SRGAP3: variants seen among roughly 807,000 people sequenced by gnomAD.
The protein encoded by SRGAP3 is SLIT-ROBO Rho GTPase-activating protein 3.
Under a neutral mutation model 121.1 loss-of-function variants are expected in SRGAP3, and 39 were observed. The observed-to-expected ratio is 0.32, with a 90% CI of 0.25 to 0.42. The LOEUF is 0.42. SRGAP3 is among the 10% of genes least tolerant of loss of function. SRGAP3 has a pLI of 1.00. For synonymous variants in SRGAP3, 601 were observed against 570.0 expected, an observed-to-expected ratio of 1.05 and a Z score of -0.77; for missense variants, 1,213 against 1,470.6, an observed-to-expected ratio of 0.82 and a Z score of 2.86.
At chr3:8,992,781 T>G in intron 20 of SRGAP3, 125 bp downstream of exon 20, 1 of 1,571,838 alleles carries the variant, frequency 6.4e-7, no homozygotes, top group South Asian at 1.1e-5. Context: ...GTGTGCCCAT[T>G]TCATTTTGTG....
chr3:8,993,143 G>C, intron 19 of SRGAP3, 88 bp from the exon 20 acceptor site: 2 of 1,588,526 alleles, frequency 1.3e-6, no homozygotes, highest in Middle Eastern at 1.8e-4. Context: ...CTGAGGGGCT[G>C]AATTAACACA....
At chr3:9,057,969 T>G (rs2664095) in intron 7 of SRGAP3, among the ~76,000 whole-genome samples, 2 of 151,966 alleles carry the variant, frequency 1.3e-5, no homozygotes, top group East Asian at 1.9e-4. Flanking sequence ...GGTTAGAACA[T>G]GAGCCTGTGT....
intron 1 of SRGAP3, among the ~76,000 whole-genome samples, chr3:9,189,819 C>T (rs1007529962): frequency 1.3e-5 from 2 of 152,220 alleles, no homozygotes; most frequent in Non-Finnish European, 2.9e-5. Flanking sequence ...TGACACCCAG[C>T]ATCACAGAGT....
intron 1 of SRGAP3, among the ~76,000 whole-genome samples, chr3:9,331,618 T>C (rs1188123927): frequency 6.6e-6 from 1 of 152,158 alleles, no homozygotes; most frequent in Non-Finnish European, 1.5e-5. Flanking sequence ...TTTCAAGAGG[T>C]ATATTCCCCA....
chr3:8,995,251 C>T (rs922619730), intron 18 of SRGAP3, among the ~76,000 whole-genome samples: 1 of 152,014 alleles, frequency 6.6e-6, no homozygotes, highest in East Asian at 1.9e-4. Context: ...GCAGGAGGAT[C>T]GCTTGAGTCC....
chr3:9,237,460 A>C (rs1953455574), intron 1 of SRGAP3, among the ~76,000 whole-genome samples: 1 of 152,222 alleles, frequency 6.6e-6, no homozygotes, highest in Non-Finnish European at 1.5e-5. Context: ...AGAAAGCGTG[A>C]AAAATATCAT....
intron 3 of SRGAP3, among the ~76,000 whole-genome samples, chr3:9,257,171 A>G (rs1040738250): frequency 6.6e-6 from 1 of 152,210 alleles, no homozygotes; most frequent in Admixed American, 6.5e-5. Flanking sequence ...AGCATGGGGT[A>G]TGCAATGGAT....
intron 1 of SRGAP3, among the ~76,000 whole-genome samples, chr3:9,335,019 TG>T (rs1277660129): frequency 6.6e-6 from 1 of 152,232 alleles, no homozygotes; most frequent in Non-Finnish European, 1.5e-5. Flanking sequence ...AGCAGGCCTA[TG>T]GGAACTCTGC....
intron 3 of SRGAP3, among the ~76,000 whole-genome samples, chr3:9,270,670 A>G (rs1454770457): frequency 1.3e-5 from 2 of 152,250 alleles, no homozygotes; most frequent in Non-Finnish European, 2.9e-5. Flanking sequence ...ACCTATAATC[A>G]TAAGTGTGTA....
intron 10 of SRGAP3, among the ~76,000 whole-genome samples, chr3:9,038,311 C>T (rs1371360237): frequency 6.6e-6 from 1 of 152,196 alleles, no homozygotes; most frequent in Non-Finnish European, 1.5e-5. Context: ...CATTATTGTT[C>T]ACAGACATAT....
At chr3:9,273,173 T>C (rs984852371) in intron 3 of SRGAP3, among the ~76,000 whole-genome samples, 4 of 152,200 alleles carry the variant, frequency 2.6e-5, no homozygotes, top group Non-Finnish European at 5.9e-5. Flanking sequence ...CAGTTCACAA[T>C]AGGGTTTGCG....
At chr3:9,266,667 G>GTTT (rs5846628) in intron 3 of SRGAP3, among the ~76,000 whole-genome samples, 3 of 150,798 alleles carry the variant, frequency 2.0e-5, no homozygotes, top group African/African-American at 7.3e-5. Flanking sequence ...TGGTTTTTGG[G>GTTT]TTTTTTTTTG....
At chr3:9,108,949 G>T (rs1325162558) in intron 2 of SRGAP3, among the ~76,000 whole-genome samples, 1 of 152,228 alleles carries the variant, frequency 6.6e-6, no homozygotes, top group Admixed American at 6.5e-5. Flanking sequence ...GGAAGGAGCA[G>T]ACAGTGATTC....
intron 3 of SRGAP3, among the ~76,000 whole-genome samples, chr3:9,313,886 TG>T (rs1955296088): frequency 6.6e-6 from 1 of 151,252 alleles, no homozygotes; most frequent in Non-Finnish European, 1.5e-5. Context: ...CCCAGCTACT[TG>T]GAAGGTTGAG....
intron 3 of SRGAP3, among the ~76,000 whole-genome samples, chr3:9,311,789 T>C (rs1396733665): frequency 2.6e-5 from 4 of 152,190 alleles, no homozygotes; most frequent in African/African-American, 7.2e-5. Context: ...AAATTAATGA[T>C]GCTGGGGTTG....
At chr3:9,249,871 G>C (rs1953961765), upstream of SRGAP3, among the ~76,000 whole-genome samples, 1 of 152,310 alleles carries the variant, frequency 6.6e-6, no homozygotes, top group South Asian at 2.1e-4. Context: ...ACTTGGGTTA[G>C]GGATTTTTCT....
rs77876175 is a variant in SRGAP3, at chr3:9,310,064, A to G, written n.442+15946T>C. Among the ~76,000 whole-genome samples, 619 of 152,314 alleles carry G rather than the reference A, an allele frequency of 4.1e-3. 4 individuals carry two copies. The highest frequency in any genetic ancestry group is 0.014 in the African/African-American group (582 of 41,584). ...ATTAATACTCACCATAGCATGTTTGATCCCTTTCTTGTTATACAGAAAAGA... is the reference window on the plus strand; with the variant it reads ...ATTAATACTCACCATAGCATGTTTGGTCCCTTTCTTGTTATACAGAAAAGA... On this transcript the variant is annotated intron_variant and non_coding_transcript_variant, in intron 3 of 3. Coordinates refer to the SRGAP3 transcript ENST00000490889.
chr3:9,284,084 T>C (rs1352476469), intron 3 of SRGAP3, among the ~76,000 whole-genome samples: 1 of 152,078 alleles, frequency 6.6e-6, no homozygotes, highest in Non-Finnish European at 1.5e-5. Context: ...AAATCTTCTC[T>C]TAGAGTTGTA....
intron 3 of SRGAP3, among the ~76,000 whole-genome samples, chr3:9,304,294 GCCCT>G (rs1188524430): frequency 6.6e-6 from 1 of 152,190 alleles, no homozygotes; most frequent in Non-Finnish European, 1.5e-5. Context: ...ATGCCCACTT[GCCCT>G]CCCTCCTTTC....
Sources: gnomAD v4.1 joint callset for allele counts (sites outside exome capture counted in the v4.1 genomes callset) on GRCh38, gnomAD v4.1.1 for gene constraint, MANE v1.5 for transcripts, NCBI Gene and HGNC (gene_info 2026-07-23, HGNC 2026-07-21) for gene names.